Variants in CCDC73 observed in about 807,000 individuals in gnomAD.
The protein encoded by CCDC73 is coiled-coil domain containing 73.
CCDC73 carries 95 observed loss-of-function variants against 116.5 expected under a neutral mutation model. The ratio of observed to expected loss-of-function variants is 0.82; its 90% CI spans 0.69 to 0.97. The LOEUF (loss-of-function observed/expected upper bound fraction) is 0.97. Ranked by LOEUF, CCDC73 falls within the 50% of genes least tolerant of loss-of-function variation. The probability of loss-of-function intolerance (pLI) is 0.00; values close to 1 mark genes in which losing one functional copy is unlikely to be tolerated. For synonymous variants in CCDC73, 398 were observed against 401.3 expected, an observed-to-expected ratio of 0.99 and a Z score of 0.10; for missense variants, 1,066 against 1,206.8, an observed-to-expected ratio of 0.88 and a Z score of 1.73.
chr11:32,737,231 CTGTGTGTGTGTGTGTG>C (rs200606807), intron 2 of CCDC73, among the ~76,000 whole-genome samples: 15 of 137,562 alleles, frequency 1.1e-4, no homozygotes, highest in Non-Finnish European at 1.9e-4. Flanking sequence ...CATAGTAGGG[CTGTGTGTGTGTGTGTG>C]TGTGTGTGTG....
At chr11:32,803,800 TTTTGTTTG>T in the CCDC73 span, among the ~76,000 whole-genome samples, 1 of 152,028 alleles carries the variant, frequency 6.6e-6, no homozygotes, top group Non-Finnish European at 1.5e-5. Flanking sequence ...AAACCTGGTG[TTTTGTTTG>T]TTTGTTTGTT....
Position 32,611,243 on chromosome 11 carries a change from A to G in CCDC73, c.2919T>C (p.Val973=), listed in dbSNP as rs1381881007. The change falls in exon 17 of 18, where the codon GTT becomes GTC. Residue 973 remains valine (V), a synonymous_variant. Transcript: ENST00000335185. ...IGPDTTSINR[V]ADTLNNWSIH... ...TACTCCAGTTATTCAAAGTGTCAGC[A>G]ACTCTGTTAATGCTGGTAGTATCTG... 1 of 1,613,396 alleles carries G rather than the reference A, an allele frequency of 6.2e-7. No individual in the cohort carries two copies. The highest frequency in any genetic ancestry group is 8.5e-7 in the Non-Finnish European group (1 of 1,179,690).
Position 32,623,257 on chromosome 11 carries a change from G to A in CCDC73, c.1186-7128C>T, listed in dbSNP as rs546793040. Among the ~76,000 whole-genome samples, 18 of 152,226 alleles carry A rather than the reference G, an allele frequency of 1.2e-4. 4 individuals carry two copies. The highest frequency in any genetic ancestry group is 4.1e-4 in the African/African-American group (17 of 41,536). ...CCTGACCTTGTGATCCACCTGCCTC[G>A]AGCTTTCAAAGTGCTGAGATTACAG... On this transcript the variant is annotated intron_variant, in intron 14 of 17. Coordinates refer to ENST00000335185, the MANE Select transcript of CCDC73 (RefSeq NM_001008391.4).
intron 1 of CCDC73, among the ~76,000 whole-genome samples, chr11:32,771,332 AGAGG>A (rs1321249318): frequency 3.9e-5 from 6 of 152,156 alleles, no homozygotes; most frequent in Admixed American, 3.9e-4. Flanking sequence ...CCAAGAATCC[AGAGG>A]TATGGCCAAG....
intron 1 of CCDC73, among the ~76,000 whole-genome samples, chr11:32,771,539 A>G (rs1199770158): frequency 6.6e-6 from 1 of 152,156 alleles, no homozygotes; most frequent in Non-Finnish European, 1.5e-5. Flanking sequence ...CTGTCTCACC[A>G]CTGTGTATTG....
chr11:32,799,401 GTATT>G (rs1281512771), upstream of CCDC73, among the ~76,000 whole-genome samples: 1 of 151,494 alleles, frequency 6.6e-6, no homozygotes, highest in Non-Finnish European at 1.5e-5. Flanking sequence ...CCCATTTTTT[GTATT>G]TATTTGTATA....
At chr11:32,742,863 T>C (rs1850200876) in intron 2 of CCDC73, among the ~76,000 whole-genome samples, 1 of 152,210 alleles carries the variant, frequency 6.6e-6, no homozygotes, top group Non-Finnish European at 1.5e-5. Flanking sequence ...CAGTTTCAGT[T>C]TTCTGCATAT....
At chr11:32,789,209 G>A (rs1260295015) in intron 1 of CCDC73, among the ~76,000 whole-genome samples, 4 of 152,062 alleles carry the variant, frequency 2.6e-5, no homozygotes, top group South Asian at 2.1e-4. Flanking sequence ...GAAAAAAAGG[G>A]AATAATACTC....
intron 6 of CCDC73, among the ~76,000 whole-genome samples, chr11:32,687,405 C>G (rs1856211640): frequency 6.6e-6 from 1 of 152,048 alleles, no homozygotes; most frequent in Non-Finnish European, 1.5e-5. Flanking sequence ...GGAGGACATC[C>G]ACATAAGGAA....
intron 2 of CCDC73, among the ~76,000 whole-genome samples, chr11:32,746,405 T>C (rs1850239988): frequency 6.6e-6 from 1 of 152,214 alleles, no homozygotes; most frequent in Non-Finnish European, 1.5e-5. Context: ...TTATGTGTCT[T>C]GGGGATGCTC....
In CCDC73 at chr11:32,761,108, T is replaced by C. The variant is rs960269384; in HGVS notation, c.-15-850A>G. On this transcript the variant is annotated intron_variant, in intron 1 of 17. Transcript: ENST00000335185. ...TCTTCAAGCAGCTTCTCTGTGGTCA[T>C]ACCCACTCTCTTCCCCCATCCTTAA... 3.9e-5 allele frequency among the ~76,000 whole-genome samples: 6 copies of C among 152,220 alleles called. No individual in the cohort carries two copies. In the South Asian group the frequency reaches 1.0e-3, roughly 26 times the overall value.
intron 12 of CCDC73, among the ~76,000 whole-genome samples, chr11:32,645,628 G>T (rs1445242649): frequency 6.6e-6 from 1 of 152,020 alleles, no homozygotes; most frequent in East Asian, 1.9e-4. Context: ...AAACTAAAAT[G>T]ATGATAAGTA....
the CCDC73 span, among the ~76,000 whole-genome samples, chr11:32,816,023 G>C: frequency 6.6e-6 from 1 of 152,128 alleles, no homozygotes; most frequent in East Asian, 1.9e-4. Context: ...TGTGAAAGAA[G>C]GAAAGAACCA....
At chr11:32,610,082 C>T (rs931329810) in intron 17 of CCDC73, among the ~76,000 whole-genome samples, 3 of 152,016 alleles carry the variant, frequency 2.0e-5, no homozygotes, top group Non-Finnish European at 4.4e-5. Context: ...AGCCACTGCA[C>T]CCGGCCGGCA....
intron 2 of CCDC73, among the ~76,000 whole-genome samples, chr11:32,742,677 A>G (rs1290920637): frequency 2.0e-5 from 3 of 152,146 alleles, no homozygotes; most frequent in Non-Finnish European, 4.4e-5. Context: ...CCATTTGTCA[A>G]TGTTGGCTTT....
chr11:32,668,298 ATAGCCGGTAACAATAAAGGC>A (rs1236576358), intron 9 of CCDC73, among the ~76,000 whole-genome samples: 1 of 152,220 alleles, frequency 6.6e-6, no homozygotes, highest in Non-Finnish European at 1.5e-5. Context: ...TAATTATCTC[ATAGCCGGTAACAATAAAGGC>A]TTTCCTATAG....
chr11:32,766,238 C>T (rs1850440577), intron 1 of CCDC73, among the ~76,000 whole-genome samples: 1 of 152,100 alleles, frequency 6.6e-6, no homozygotes, highest in Non-Finnish European at 1.5e-5. Flanking sequence ...GCAGAAAAGG[C>T]CTGTGACAAA....
chr11:32,700,300 G>A (rs191013192), intron 5 of CCDC73, among the ~76,000 whole-genome samples: 2 of 152,280 alleles, frequency 1.3e-5, no homozygotes, highest in Admixed American at 1.3e-4. Flanking sequence ...CTATTAAATA[G>A]CTAGAGAAAA....
intron 1 of CCDC73, among the ~76,000 whole-genome samples, chr11:32,777,019 ATAT>A (rs1565099384): frequency 1.5e-5 from 2 of 129,930 alleles, no homozygotes; most frequent in African/African-American, 6.0e-5. Flanking sequence ...ATATATATAT[ATAT>A]AATTGAACTT....
Sources: allele counts gnomAD v4.1 joint callset (sites outside exome capture counted in the v4.1 genomes callset), GRCh38; gene constraint gnomAD v4.1.1; transcripts MANE v1.5; gene names NCBI Gene and HGNC (gene_info 2026-07-23, HGNC 2026-07-21).